The following ARHGAP35 variants were observed in gnomAD, a reference collection of about 807,000 sequenced individuals.
The protein encoded by ARHGAP35 is rho GTPase-activating protein 35.
ARHGAP35 carries 15 observed loss-of-function variants against 111.1 expected under a neutral mutation model. That is an observed-to-expected ratio of 0.13 (90% CI 0.09 to 0.21). The LOEUF is 0.21. Among genes scored for constraint, ARHGAP35 ranks in the 10% least tolerant of loss-of-function variants. ARHGAP35 has a pLI of 1.00. For missense variants in ARHGAP35, 1,262 were observed against 1,873.0 expected (o/e 0.67, Z 6.02); for synonymous variants, 643 against 710.3 (o/e 0.91, Z 1.51).
Position 46,921,728 on chromosome 19 carries a change from G to A in ARHGAP35, c.3053G>A (p.Gly1018Glu), listed in dbSNP as rs759575115. The A allele has an allele frequency of 1.9e-6, 3 of 1,613,876 alleles. No individual in the cohort carries two copies. The highest frequency in any genetic ancestry group is 1.7e-5 in the Admixed American group (1 of 60,010). Reference sequence around the variant, plus strand: ...TCTAAGCTCTCTATGGAACTGGAGGGAAATGATGGGCTGTCTTTCATTATG... The same window carrying A: ...TCTAAGCTCTCTATGGAACTGGAGGAAAATGATGGGCTGTCTTTCATTATG... ...DHSKLSMELE[G>E]NDGLSFIMSN... The change falls in exon 2 of 7, where the codon GGA (glycine) becomes GAA (glutamate). Residue 1018 changes from glycine to glutamate, a missense_variant. Around this residue, in one of 8 missense-constraint regions of ARHGAP35, gnomAD observed 579 missense variants for 716.9 expected, o/e 0.81. Transcript: ENST00000672722. The surrounding 1 kb of genome is among the most constrained non-coding windows in gnomAD (Gnocchi z 4.3).
intron 1 of ARHGAP35, among the ~76,000 whole-genome samples, chr19:46,885,565 G>A (rs2055989374): frequency 6.6e-6 from 1 of 152,118 alleles, no homozygotes; most frequent in African/African-American, 2.4e-5. Flanking sequence ...TTATTAATGT[G>A]GGGTTAATGC....
chr19:46,862,867 T>G (rs2055836278), intron 1 of ARHGAP35, among the ~76,000 whole-genome samples: 2 of 152,178 alleles, frequency 1.3e-5, no homozygotes, highest in African/African-American at 2.4e-5. Flanking sequence ...TCCACTGTTC[T>G]GCCTCTTGTC....
chr19:46,909,949 A>G (rs974942235), intron 1 of ARHGAP35, among the ~76,000 whole-genome samples: 7 of 151,698 alleles, frequency 4.6e-5, no homozygotes, highest in African/African-American at 1.5e-4. Context: ...ACCCAGCTCA[A>G]TGTTGTTATT....
chr19:46,943,427 T>C (rs1171457383), intron 3 of ARHGAP35, among the ~76,000 whole-genome samples: 2 of 152,150 alleles, frequency 1.3e-5, no homozygotes, highest in Non-Finnish European at 2.9e-5. Flanking sequence ...TAGGGTTGTA[T>C]TGAATAATTG....
At chr19:46,955,531 A>G (rs1259935574) in intron 3 of ARHGAP35, among the ~76,000 whole-genome samples, 1 of 152,162 alleles carries the variant, frequency 6.6e-6, no homozygotes, top group Non-Finnish European at 1.5e-5. Context: ...GCCTCACAAA[A>G]TTCATTTATG....
intron 3 of ARHGAP35, among the ~76,000 whole-genome samples, chr19:46,959,328 T>C (rs1045845441): frequency 5.9e-5 from 9 of 152,034 alleles, no homozygotes; most frequent in African/African-American, 2.2e-4. Context: ...GTGCTGGGAT[T>C]ACAGGTGTGA....
intron 2 of ARHGAP35, among the ~76,000 whole-genome samples, chr19:46,936,062 C>CAACATAG (rs1013925675): frequency 6.6e-6 from 1 of 152,000 alleles, no homozygotes; most frequent in African/African-American, 2.4e-5. Context: ...GCAGGCTGGG[C>CAACATAG]AACATAGTGA....
At chr19:46,903,772 T>C (rs556362240) in intron 1 of ARHGAP35, among the ~76,000 whole-genome samples, 1 of 152,356 alleles carries the variant, frequency 6.6e-6, no homozygotes, top group South Asian at 2.1e-4. Flanking sequence ...GTCTCTTATC[T>C]AAAGGAAAAT....
chr19:46,978,340 C>G (rs1376704657), intron 3 of ARHGAP35, among the ~76,000 whole-genome samples: 2 of 152,140 alleles, frequency 1.3e-5, no homozygotes, highest in Non-Finnish European at 2.9e-5. Context: ...GAATCAGGAA[C>G]CTGAAGGAAG....
At position 46,945,829 on chromosome 19, in the gene ARHGAP35, C is replaced by G. The variant is rs1185905244; in HGVS notation, c.3826+8421C>G. ...TCCCTGTTTCTGTGATTTTTAACCT[C>G]TGCTTTTGGCAGTGTGAGAGGAGGC... On this transcript the variant is annotated intron_variant, in intron 3 of 6. Coordinates refer to ENST00000672722, the MANE Select transcript of ARHGAP35 (RefSeq NM_004491.5). This position sits in a 1 kb window ranked among gnomAD's most constrained non-coding sequence, Gnocchi z 4.1. Among the ~76,000 whole-genome samples, 1 of 152,212 alleles carries G rather than the reference C, an allele frequency of 6.6e-6. No individual in the cohort carries two copies. Among genetic ancestry groups the G allele is most frequent in the African/African-American group, 2.4e-5 (1 of 41,452 alleles).
chr19:46,886,860 G>T (rs2055995673), intron 1 of ARHGAP35, among the ~76,000 whole-genome samples: 1 of 152,150 alleles, frequency 6.6e-6, no homozygotes. Flanking sequence ...AGAATTTTAA[G>T]GATGGATTGA....
Position 46,952,273 on chromosome 19 carries a change from G to A in ARHGAP35, c.3826+14865G>A, listed in dbSNP as rs1440305124. On this transcript the variant is annotated intron_variant, in intron 3 of 6. Coordinates refer to ENST00000672722, the MANE Select transcript of ARHGAP35 (RefSeq NM_004491.5). ...TGAATACTCAAAGTTCTGAATGAGT[G>A]TGTCATTTATTACATTAATTGTGCT... Among the ~76,000 whole-genome samples, 4 of 151,926 alleles carry A rather than the reference G, an allele frequency of 2.6e-5. No homozygotes were observed. In the South Asian group the frequency reaches 8.3e-4, roughly 31 times the overall value.
intron 1 of ARHGAP35, among the ~76,000 whole-genome samples, chr19:46,905,546 T>G (rs1421099144): frequency 6.7e-6 from 1 of 149,044 alleles, no homozygotes; most frequent in Non-Finnish European, 1.5e-5. Flanking sequence ...CAGCTAATTT[T>G]TGTATTCCAC....
Position 46,999,206 on chromosome 19 carries a change from C to T in ARHGAP35, c.4037-98C>T. The T allele has an allele frequency of 1.3e-6, 1 of 780,900 alleles. No homozygotes were observed. 48.4% of individuals were successfully genotyped at this position (780,900 alleles called of 1,614,324 possible). A position where few individuals can be genotyped will look rare whatever the true frequency, so the allele number is the denominator to read the frequency against. The stretch of plus-strand genomic sequence containing the variant: ...GTGGGGTTAGTGTCATCCAAAAGCC[C>T]TGGGCTGTCCTCAGAGAAGGCCCAT... On this transcript the variant is annotated intron_variant, in intron 5 of 6. Transcript: ENST00000672722. This position sits in a 1 kb window ranked among gnomAD's most constrained non-coding sequence, Gnocchi z 5.4.
In ARHGAP35 at chr19:46,920,494, G is replaced by A; in HGVS notation, c.1819G>A (p.Gly607Ser). ...CAACTTGGTTATATTGGGCAAAGAC[G>A]GCCTTGCCCGAGAGTTGGCCAATGA... ...RINLVILGKDGLARELANEIR... is the reference protein window; with the variant it reads ...RINLVILGKDSLARELANEIR... Residue 607 changes from glycine to serine, a missense_variant, in exon 2 of 7, where the codon GGC becomes AGC. Transcript: ENST00000672722. The surrounding 1 kb of genome is among the most constrained non-coding windows in gnomAD (Gnocchi z 7.0). The A allele has an allele frequency of 6.2e-7, 1 of 1,613,924 alleles. No individual in the cohort carries two copies. Among genetic ancestry groups the A allele is most frequent in the South Asian group, 1.1e-5 (1 of 91,084 alleles).
In ARHGAP35 at chr19:46,937,284, G is replaced by A; in HGVS notation, c.3702G>A (p.Arg1234=). 6.2e-7 allele frequency: 1 copy of A among 1,613,670 alleles called. No individual in the cohort carries two copies. The highest frequency in any genetic ancestry group is 8.5e-7 in the Non-Finnish European group (1 of 1,179,746). The part of the protein sequence containing the change: ...RNTKKPKPKP[R]PSITKATWES... ...GACAGAAACCAAAGCCCAAACCCCGGCCATCCATCACAAAGGCAACCTGGG... is the reference window on the plus strand; with the variant it reads ...GACAGAAACCAAAGCCCAAACCCCGACCATCCATCACAAAGGCAACCTGGG... The change falls in exon 3 of 7, where the codon CGG becomes CGA. Residue 1234 remains arginine (R), a synonymous_variant. Transcript: ENST00000672722.
intron 1 of ARHGAP35, among the ~76,000 whole-genome samples, chr19:46,866,934 C>T (rs1046502932): frequency 6.6e-5 from 10 of 152,172 alleles, no homozygotes; most frequent in Non-Finnish European, 1.2e-4. Context: ...GGCTCTCAAA[C>T]AGCAATGGTC....
At chr19:46,866,680 G>A (rs2055859524) in intron 1 of ARHGAP35, among the ~76,000 whole-genome samples, 2 of 152,112 alleles carry the variant, frequency 1.3e-5, no homozygotes, top group South Asian at 2.1e-4. Flanking sequence ...ATCAAGTCCC[G>A]TAACCCAGAG....
At chr19:46,893,869 G>A (rs191042167) in intron 1 of ARHGAP35, among the ~76,000 whole-genome samples, 123 of 144,698 alleles carry the variant, frequency 8.5e-4, no homozygotes, top group Non-Finnish European at 1.4e-3. Context: ...ACATAAGTTC[G>A]TTCGTTCGTT....
Sources: gnomAD v4.1 joint callset for allele counts (sites outside exome capture counted in the v4.1 genomes callset) on GRCh38, gnomAD v4.1.1 for gene constraint, gnomAD v4.1.1 regional missense constraint, Gnocchi (gnomAD v3.1) non-coding constraint, MANE v1.5 for transcripts, NCBI Gene and HGNC (gene_info 2026-07-23, HGNC 2026-07-21) for gene names.